The following GREB1L variants were observed in gnomAD, a reference collection of about 807,000 sequenced individuals.
The protein encoded by GREB1L is GREB1-like protein.
In GREB1L, 17 loss-of-function variants were observed where a neutral mutation model predicts 200.8. That is an observed-to-expected ratio of 0.08 (90% CI 0.06 to 0.13). The LOEUF (loss-of-function observed/expected upper bound fraction) is 0.13. Among genes scored for constraint, GREB1L ranks in the 10% least tolerant of loss-of-function variants. GREB1L has a pLI of 1.00. For synonymous variants in GREB1L, 789 were observed against 893.0 expected (o/e 0.88, Z 2.08); for missense variants, 1,657 against 2,367.7 (o/e 0.70, Z 6.23).
chr18:21,370,032 TA>T (rs1381892419), intron 2 of GREB1L, among the ~76,000 whole-genome samples: 2 of 152,120 alleles, frequency 1.3e-5, no homozygotes, highest in Non-Finnish European at 2.9e-5. Context: ...TAAAGGAGTT[TA>T]AAATTTTTGT....
At chr18:21,252,768 T>C (rs954618833) in intron 1 of GREB1L, among the ~76,000 whole-genome samples, 9 of 151,766 alleles carry the variant, frequency 5.9e-5, no homozygotes, top group African/African-American at 1.5e-4. Flanking sequence ...CTCAGGAGGC[T>C]GAGGCATGAG....
intron 1 of GREB1L, among the ~76,000 whole-genome samples, chr18:21,258,546 G>C (rs537642578): frequency 6.6e-6 from 1 of 152,300 alleles, no homozygotes; most frequent in South Asian, 2.1e-4. Flanking sequence ...GTTGGGGCAA[G>C]GGAGGGTAAT....
At chr18:21,454,584 A>G in intron 15 of GREB1L, 21 bp downstream of exon 15, 1 of 1,534,602 alleles carries the variant, frequency 6.5e-7, no homozygotes, top group Non-Finnish European at 8.8e-7. Context: ...ACTTTCAAAG[A>G]GGAGCCCACC....
At chr18:21,409,100 T>C (rs952082122) in intron 7 of GREB1L, among the ~76,000 whole-genome samples, 75 of 152,312 alleles carry the variant, frequency 4.9e-4, no homozygotes, top group Non-Finnish European at 6.2e-4. Flanking sequence ...TTATTCGTTA[T>C]AACAAAAAGC....
At chr18:21,313,938 GT>G (rs1054926297) in intron 1 of GREB1L, among the ~76,000 whole-genome samples, 1 of 152,112 alleles carries the variant, frequency 6.6e-6, no homozygotes, top group African/African-American at 2.4e-5. Flanking sequence ...GTTTGTATGG[GT>G]TTTTTCCCTC....
At chr18:21,242,802 C>T (rs1416971063) in intron 1 of GREB1L, among the ~76,000 whole-genome samples, 4 of 152,032 alleles carry the variant, frequency 2.6e-5, no homozygotes, top group African/African-American at 9.7e-5. Flanking sequence ...CCGGCGGAGG[C>T]GGCGAGGGGG....
intron 7 of GREB1L, among the ~76,000 whole-genome samples, chr18:21,414,205 T>C (rs1208003026): frequency 1.3e-5 from 2 of 152,110 alleles, no homozygotes; most frequent in Non-Finnish European, 2.9e-5. Flanking sequence ...ATGAAGATGC[T>C]AAAAAAGATC....
chr18:21,516,713 G>C lies in GREB1L; in HGVS notation c.5230G>C (p.Val1744Leu), dbSNP rs749791998. 4 of 1,551,578 alleles carry C rather than the reference G, an allele frequency of 2.6e-6. No individual in the cohort carries two copies. In the East Asian group the frequency reaches 9.8e-5, roughly 38 times the overall value. ...NFSLMKKHVQ[V>L]GGQRDFIIKP... ...CAGTCTCATGAAGAAACATGTTCAGGTTGGAGGGCAAAGGGACTTTATCAT... is the reference window on the plus strand; with the variant it reads ...CAGTCTCATGAAGAAACATGTTCAGCTTGGAGGGCAAAGGGACTTTATCAT... Residue 1744 changes from valine to leucine, a missense_variant, in exon 30 of 33, where the codon GTT becomes CTT. By Grantham distance (32) the Val-to-Leu change is conservative. Transcript: ENST00000424526.
intron 1 of GREB1L, among the ~76,000 whole-genome samples, chr18:21,297,532 G>A (rs2038549979): frequency 6.6e-6 from 1 of 152,166 alleles, no homozygotes; most frequent in Non-Finnish European, 1.5e-5. Flanking sequence ...GATGGAAGAA[G>A]GTCTTGACAG....
chr18:21,372,838 T>G (rs551097589), intron 2 of GREB1L, among the ~76,000 whole-genome samples: 106 of 152,316 alleles, frequency 7.0e-4, no homozygotes, highest in African/African-American at 2.5e-3. Flanking sequence ...GGAGAATCGC[T>G]TGAACCTGGG....
intron 4 of GREB1L, among the ~76,000 whole-genome samples, chr18:21,391,507 G>A (rs2040804527): frequency 6.6e-6 from 1 of 152,244 alleles, no homozygotes; most frequent in African/African-American, 2.4e-5. Flanking sequence ...TCAGAGAGGT[G>A]TTAATGAGGT....
chr18:21,328,412 G>A (rs2039057208), intron 1 of GREB1L, among the ~76,000 whole-genome samples: 1 of 152,178 alleles, frequency 6.6e-6, no homozygotes, highest in Admixed American at 6.5e-5. Context: ...AGACAACCAG[G>A]AAACTGACCA....
intron 4 of GREB1L, chr18:21,387,546 A>G (rs776035099): frequency 2.6e-5 from 4 of 152,196 alleles, no homozygotes; most frequent in Non-Finnish European, 5.9e-5. Context: ...ACAGGCTTAG[A>G]TCCTCCCTTA....
chr18:21,343,730 ATTTTTTTTTTTT>A lies in GREB1L; in HGVS notation c.-119-22285_-119-22274del, dbSNP rs36120644. ...AGGGAGCAGAAGGTTGAGAAGAGAG[ATTTTTTTTTTTT>A]TTTTTTTTTTTGAGACAGAGTCTCG... is the stretch of plus-strand genomic sequence containing the variant. On this transcript the variant is annotated intron_variant, in intron 1 of 32. Coordinates refer to ENST00000424526, the MANE Select transcript of GREB1L (RefSeq NM_001142966.3). Among the ~76,000 whole-genome samples, 25 of 114,946 alleles carry A rather than the reference ATTTTTTTTTTTT, an allele frequency of 2.2e-4. 1 individual carries two copies. In the South Asian group the frequency reaches 7.3e-3, roughly 34 times the overall value. 75.4% of individuals were successfully genotyped at this position (114,946 alleles called of 152,430 possible).
At chr18:21,392,477 C>T (rs16941419) in intron 4 of GREB1L, among the ~76,000 whole-genome samples, 2,668 of 152,178 alleles carry the variant, frequency 0.018, 76 homozygotes, top group African/African-American at 0.06. Flanking sequence ...TGAACAAATG[C>T]AGATGCACTT....
chr18:21,244,785 ACCGGG>A (rs2037568843), intron 1 of GREB1L, among the ~76,000 whole-genome samples: 1 of 152,196 alleles, frequency 6.6e-6, no homozygotes, highest in Non-Finnish European at 1.5e-5. Context: ...GAGGCCAAAC[ACCGGG>A]CTGAGGGCCT....
chr18:21,388,880 G>A (rs910196721), intron 4 of GREB1L, among the ~76,000 whole-genome samples: 1 of 152,002 alleles, frequency 6.6e-6, no homozygotes, highest in Non-Finnish European at 1.5e-5. Context: ...ATTAGATTGA[G>A]GTTATGGGAT....
In GREB1L at chr18:21,395,446, C is replaced by T. The variant is rs764466000; in HGVS notation, c.417C>T (p.Ile139=). The part of the protein sequence containing the change: ...LVSLCMEQID[I]PAGFLLVGAK... ...CACTGTGTATGGAACAAATTGACAT[C>T]CCAGCAGGATTCCTCCTGGTGGGGG... Residue 139 remains isoleucine, a synonymous_variant, in exon 5 of 33, where the codon ATC becomes ATT. Coordinates refer to ENST00000424526, the MANE Select transcript of GREB1L (RefSeq NM_001142966.3). 4 of 1,551,012 alleles carry T rather than the reference C, an allele frequency of 2.6e-6. No individual in the cohort carries two copies. In the South Asian group the frequency reaches 4.8e-5, roughly 18 times the overall value.
At chr18:21,316,119 G>A (rs1335278877) in intron 1 of GREB1L, among the ~76,000 whole-genome samples, 3 of 152,106 alleles carry the variant, frequency 2.0e-5, no homozygotes, top group Non-Finnish European at 2.9e-5. Context: ...TTTTCTCTGT[G>A]TACCCGCCCA....
Sources: gnomAD v4.1 joint callset for allele counts (sites outside exome capture counted in the v4.1 genomes callset) on GRCh38, gnomAD v4.1.1 for gene constraint, MANE v1.5 for transcripts, NCBI Gene and HGNC (gene_info 2026-07-23, HGNC 2026-07-21) for gene names.